CPVL: variants seen among roughly 807,000 people sequenced by gnomAD.
The protein encoded by CPVL is probable serine carboxypeptidase CPVL.
In CPVL, 51 loss-of-function variants were observed where a neutral mutation model predicts 63.7. That is an observed-to-expected ratio of 0.80 (90% CI 0.64 to 1.01). The LOEUF is 1.01. CPVL is among the 50% of genes least tolerant of loss of function. The pLI is 0.00. For synonymous variants in CPVL, 195 were observed against 206.0 expected (o/e 0.95, Z 0.46); for missense variants, 530 against 573.1 (o/e 0.92, Z 0.77).
chr7:29,103,987 C>T (rs558344715), intron 3 of CPVL, among the ~76,000 whole-genome samples: 6 of 152,174 alleles, frequency 3.9e-5, no homozygotes, highest in Non-Finnish European at 8.8e-5. Context: ...GATCCCAGTT[C>T]AGCTAATACT....
intron 5 of CPVL, among the ~76,000 whole-genome samples, chr7:29,172,215 A>G (rs1044855523): frequency 4.6e-5 from 7 of 152,146 alleles, no homozygotes; most frequent in Non-Finnish European, 8.8e-5. Flanking sequence ...AAATCATTAA[A>G]ACAGCACCAC....
At chr7:29,100,567 C>G (rs897003979) in intron 3 of CPVL, among the ~76,000 whole-genome samples, 1 of 152,168 alleles carries the variant, frequency 6.6e-6, no homozygotes, top group African/African-American at 2.4e-5. Flanking sequence ...CACAATGAAC[C>G]GGACCTCTGG....
rs1789323846 is a variant in CPVL, at chr7:29,121,084, C to T, written c.-10-13G>A. The T allele has an allele frequency of 3.2e-6, 5 of 1,558,430 alleles. No homozygotes were observed. The highest frequency in any genetic ancestry group is 4.3e-6 in the Non-Finnish European group (5 of 1,156,512). On this transcript the variant is annotated splice_polypyrimidine_tract_variant and intron_variant, in intron 1 of 12. Transcript: ENST00000265394. The stretch of plus-strand genomic sequence containing the variant: ...CATCTCTCAGGGTCTAGGATAAAAA[C>T]AGCATTCCAAAAATGAATCATAAGA...
chr7:29,173,792 T>C, intron 5 of CPVL, among the ~76,000 whole-genome samples: 1 of 147,342 alleles, frequency 6.8e-6, no homozygotes, highest in East Asian at 2.0e-4. Flanking sequence ...AAAAAAAAAA[T>C]TAGTCGAGTG....
intron 7 of CPVL, among the ~76,000 whole-genome samples, chr7:29,076,269 C>T (rs1784236189): frequency 6.6e-6 from 1 of 152,128 alleles, no homozygotes; most frequent in South Asian, 2.1e-4. Flanking sequence ...ACAGCAACAA[C>T]AACCAGAACT....
At chr7:29,140,417 T>TA (rs1169053537) in intron 1 of CPVL, among the ~76,000 whole-genome samples, 1 of 152,146 alleles carries the variant, frequency 6.6e-6, no homozygotes, top group East Asian at 1.9e-4. Flanking sequence ...GTGGAGTAGT[T>TA]AAAGATGAAA....
At chr7:29,040,543 G>T (rs904510522) in intron 11 of CPVL, among the ~76,000 whole-genome samples, 1 of 152,150 alleles carries the variant, frequency 6.6e-6, no homozygotes, top group Non-Finnish European at 1.5e-5. Context: ...CCTGCTTGAA[G>T]AAGACTGGTA....
chr7:29,060,182 G>T, intron 11 of CPVL, among the ~76,000 whole-genome samples: 1 of 111,140 alleles, frequency 9.0e-6, no homozygotes, highest in South Asian at 3.1e-4. Flanking sequence ...ATATAAATAA[G>T]CACCTTCTAA....
intron 12 of CPVL, among the ~76,000 whole-genome samples, chr7:29,018,792 A>C (rs535899008): frequency 6.6e-6 from 1 of 152,306 alleles, no homozygotes; most frequent in Non-Finnish European, 1.5e-5. Flanking sequence ...AATGAACAGC[A>C]ACTTTGATAT....
Position 29,112,743 on chromosome 7 carries a change from A to G in CPVL, c.249T>C (p.Thr83=), listed in dbSNP as rs1788377306. 6.2e-7 allele frequency: 1 copy of G among 1,613,516 alleles called. No homozygotes were observed. Among genetic ancestry groups the G allele is most frequent in the Non-Finnish European group, 8.5e-7 (1 of 1,179,832 alleles). The change falls in exon 3 of 13, where the codon ACT becomes ACC. Residue 83 remains threonine (T), a synonymous_variant. Coordinates refer to ENST00000265394, the MANE Select transcript of CPVL (RefSeq NM_031311.5). ...ACCAGAAGAAGAGGTTGCTGTTGTAAGTCTTATTCACGGTGAGGAAGCCGG... is the reference window on the plus strand; with the variant it reads ...ACCAGAAGAAGAGGTTGCTGTTGTAGGTCTTATTCACGGTGAGGAAGCCGG... The part of the protein sequence containing the change: ...SYAGFLTVNK[T]YNSNLFFWFF...
chr7:29,086,376 G>C (rs1174326371), intron 7 of CPVL, 108 bp downstream of exon 7: 1 of 737,458 alleles, frequency 1.4e-6, no homozygotes, highest in African/African-American at 1.8e-5. Flanking sequence ...TGATATGTAT[G>C]TGTACATGTA....
At chr7:29,121,258 T>C (rs1217322141) in intron 1 of CPVL, among the ~76,000 whole-genome samples, 187 bp from the exon 2 acceptor site, 1 of 152,050 alleles carries the variant, frequency 6.6e-6, no homozygotes, top group Non-Finnish European at 1.5e-5. Flanking sequence ...CAAAGGCTAA[T>C]GGGAGACTCT....
intron 6 of CPVL, among the ~76,000 whole-genome samples, chr7:29,088,415 A>G (rs1253865112): frequency 6.6e-6 from 1 of 152,096 alleles, no homozygotes; most frequent in Non-Finnish European, 1.5e-5. Context: ...GGAAGTTATC[A>G]TCGAGTTTCA....
intron 12 of CPVL, among the ~76,000 whole-genome samples, chr7:29,022,677 A>T (rs780755208): frequency 6.6e-6 from 1 of 152,138 alleles, no homozygotes; most frequent in African/African-American, 2.4e-5. Context: ...GGGGCCTGGG[A>T]ATTGATCAGC....
intron 3 of CPVL, among the ~76,000 whole-genome samples, chr7:29,103,411 A>ATTTTTTTTTTT (rs551627609): frequency 1.5e-5 from 2 of 134,804 alleles, no homozygotes; most frequent in Non-Finnish European, 1.6e-5. Flanking sequence ...ATGCTCAGCT[A>ATTTTTTTTTTT]TTTTTTTTTT....
At chr7:29,025,344 G>A (rs1251687548) in intron 12 of CPVL, among the ~76,000 whole-genome samples, 3 of 152,316 alleles carry the variant, frequency 2.0e-5, no homozygotes, top group Non-Finnish European at 4.4e-5. Flanking sequence ...CAAAGTGGGT[G>A]CATGTGTTTC....
At chr7:29,195,025 C>T in intron 1 of CPVL, 1 of 1,577,344 alleles carries the variant, frequency 6.3e-7, no homozygotes, top group Non-Finnish European at 8.6e-7. Context: ...GCTGCCGCGC[C>T]GGGTCTCGCC....
intron 2 of CPVL, among the ~76,000 whole-genome samples, chr7:29,114,016 C>T (rs1178637941): frequency 1.3e-5 from 2 of 152,164 alleles, no homozygotes; most frequent in Non-Finnish European, 2.9e-5. Flanking sequence ...CACATGCCAT[C>T]GACTAAAGAT....
chr7:29,067,647 G>A (rs1783268804), intron 9 of CPVL, among the ~76,000 whole-genome samples: 1 of 152,142 alleles, frequency 6.6e-6, no homozygotes, highest in African/African-American at 2.4e-5. Context: ...AGACATGGAG[G>A]GGGGTTGTTG....
Sources: gnomAD v4.1 joint callset for allele counts (sites outside exome capture counted in the v4.1 genomes callset) on GRCh38, gnomAD v4.1.1 for gene constraint, MANE v1.5 for transcripts, NCBI Gene and HGNC (gene_info 2026-07-23, HGNC 2026-07-21) for gene names.